NFIA: variants seen among roughly 807,000 people sequenced by gnomAD.
NFIA encodes the protein nuclear factor 1 A-type.
In NFIA, 8 loss-of-function variants were observed where a neutral mutation model predicts 62.8. The observed-to-expected ratio is 0.13, with a 90% CI of 0.07 to 0.23. The LOEUF is 0.23. Ranked by LOEUF, NFIA falls within the 10% of genes least tolerant of loss-of-function variation. The probability of loss-of-function intolerance (pLI) is 1.00; values close to 1 mark genes in which losing one functional copy is unlikely to be tolerated. For missense variants in NFIA, 410 were observed against 642.1 expected (o/e 0.64, Z 3.91); for synonymous variants, 235 against 238.1 (o/e 0.99, Z 0.12).
intron 2 of NFIA, among the ~76,000 whole-genome samples, chr1:61,194,838 A>T (rs1651883930): frequency 6.6e-6 from 1 of 152,062 alleles, no homozygotes; most frequent in African/African-American, 2.4e-5. Flanking sequence ...ACAGCTCTTA[A>T]TTTCTAGGGT....
chr1:61,392,034 G>C (rs1267751096), intron 7 of NFIA, among the ~76,000 whole-genome samples: 6 of 152,178 alleles, frequency 3.9e-5, no homozygotes, highest in Non-Finnish European at 8.8e-5. Flanking sequence ...AGAATTGCCA[G>C]AATTGATTTT....
At chr1:61,379,402 C>CTATTTTTT (rs1410203326) in intron 6 of NFIA, among the ~76,000 whole-genome samples, 1 of 98,256 alleles carries the variant, frequency 1.0e-5, no homozygotes, top group Non-Finnish European at 2.0e-5. Flanking sequence ...TTTTCTTTTT[C>CTATTTTTT]TTTTTTTTTT....
At chr1:61,326,363 G>T (rs1191462546) in intron 3 of NFIA, among the ~76,000 whole-genome samples, 2 of 152,200 alleles carry the variant, frequency 1.3e-5, no homozygotes, top group South Asian at 2.1e-4. Flanking sequence ...TATGTGGATG[G>T]TTCATTTTCA....
Position 61,091,500 on chromosome 1 carries a change from G to A in NFIA, c.559+2820G>A, listed in dbSNP as rs189022238. On this transcript the variant is annotated intron_variant, in intron 2 of 10. Transcript: ENST00000403491. ...CAGTAACAAGTGTAATGAAATTGGA[G>A]TGATTTCATAAGCCTGAGAATTTCA... 1.7e-3 allele frequency among the ~76,000 whole-genome samples: 256 copies of A among 152,280 alleles called. 2 individuals are homozygous for A. Among genetic ancestry groups the A allele is most frequent in the Middle Eastern group, 0.014 (4 of 294 alleles).
intron 10 of NFIA, among the ~76,000 whole-genome samples, chr1:61,430,702 T>C (rs1250562773): frequency 6.6e-6 from 1 of 152,194 alleles, no homozygotes; most frequent in East Asian, 1.9e-4. Context: ...AGAATTGCCT[T>C]CTCTTTAGCC....
chr1:61,204,055 A>G (rs1367684900), intron 2 of NFIA, among the ~76,000 whole-genome samples: 2 of 152,206 alleles, frequency 1.3e-5, no homozygotes, highest in African/African-American at 2.4e-5. Context: ...CCGTTTCTGT[A>G]AATTCCGTGG....
Position 61,213,700 on chromosome 1 carries a change from C to T in NFIA, c.560-63820C>T, listed in dbSNP as rs905849601. 6.6e-5 allele frequency among the ~76,000 whole-genome samples: 10 copies of T among 152,254 alleles called. No individual in the cohort carries two copies. The East Asian group carries it at 7.7e-4, about 12-fold the overall frequency. ...AAAGGACACAAGGGGTTTCATAAAG[C>T]GGTACTAAAAATCTGCTTTTCTCCC... On this transcript the variant is annotated intron_variant, in intron 2 of 10. Coordinates refer to ENST00000403491, the MANE Select transcript of NFIA (RefSeq NM_001134673.4).
rs148140742 is a variant in NFIA at position 61,313,903 on chromosome 1, G to C, written c.626-18609G>C. Among the ~76,000 whole-genome samples, 5 of 152,248 alleles carry C rather than the reference G, an allele frequency of 3.3e-5. No individual in the cohort carries two copies. The East Asian group carries it at 9.6e-4, about 29-fold the overall frequency. Reference sequence around the variant, plus strand: ...TGAAATCCCGACTCTACCAGTTACTGTCTGTGTGACCTTAGACTGTGCTTT... The same window carrying C: ...TGAAATCCCGACTCTACCAGTTACTCTCTGTGTGACCTTAGACTGTGCTTT... On this transcript the variant is annotated intron_variant, in intron 3 of 10. Coordinates refer to ENST00000403491, the MANE Select transcript of NFIA (RefSeq NM_001134673.4).
rs975099424 is a variant in NFIA at position 61,189,405 on chromosome 1, G to A, written c.560-88115G>A. Among the ~76,000 whole-genome samples the A allele has an allele frequency of 3.3e-5, 5 of 152,256 alleles. No homozygotes were observed. In the East Asian group the frequency reaches 5.8e-4, roughly 18 times the overall value. ...TCATTGGCTGGGTGCAGTGGCTCAC[G>A]CCTGTAATCCCAGCACTTTGGGAGG... On this transcript the variant is annotated intron_variant, in intron 2 of 10. Coordinates refer to ENST00000403491, the MANE Select transcript of NFIA (RefSeq NM_001134673.4).
At chr1:61,227,225 C>G (rs1488895770) in intron 2 of NFIA, among the ~76,000 whole-genome samples, 1 of 152,178 alleles carries the variant, frequency 6.6e-6, no homozygotes, top group African/African-American at 2.4e-5. Flanking sequence ...TTTGGATTGG[C>G]TTTATTTGCC....
rs538901481 is a variant in NFIA at position 61,363,540 on chromosome 1, G to C, written c.946+4266G>C. Among the ~76,000 whole-genome samples, 3 of 151,544 alleles carry C rather than the reference G, an allele frequency of 2.0e-5. No individual in the cohort carries two copies. In the East Asian group the frequency reaches 5.9e-4, roughly 30 times the overall value. ...AATTGGTTGAACCTGGGAGGTGGAG[G>C]TTGCAGTGAACCGAGATCGTGCCAT... On this transcript the variant is annotated intron_variant, in intron 6 of 10. Transcript: ENST00000403491.
chr1:61,273,718 G>C (rs1286309535), intron 2 of NFIA, among the ~76,000 whole-genome samples: 1 of 152,148 alleles, frequency 6.6e-6, no homozygotes, highest in African/African-American at 2.4e-5. Flanking sequence ...TTCTCAGATG[G>C]TTTGAACTCA....
intron 2 of NFIA, among the ~76,000 whole-genome samples, chr1:61,205,791 A>T (rs897799175): frequency 6.6e-6 from 1 of 152,076 alleles, no homozygotes; most frequent in African/African-American, 2.4e-5. Flanking sequence ...CGTTTAGTCC[A>T]GTCAGTGTTT....
intron 10 of NFIA, among the ~76,000 whole-genome samples, chr1:61,443,968 G>C (rs578046471): frequency 1.8e-4 from 28 of 152,272 alleles, no homozygotes; most frequent in Admixed American, 3.9e-4. Flanking sequence ...CTTCCTCTCT[G>C]ATGCACCTTT....
At chr1:61,131,149 AT>A (rs1251960270) in intron 2 of NFIA, among the ~76,000 whole-genome samples, 4 of 151,964 alleles carry the variant, frequency 2.6e-5, no homozygotes, top group South Asian at 2.1e-4. Flanking sequence ...TTTAAAAAAA[AT>A]AGTATGACTT....
At chr1:61,192,657 C>T (rs935641014) in intron 2 of NFIA, among the ~76,000 whole-genome samples, 2 of 151,078 alleles carry the variant, frequency 1.3e-5, no homozygotes, top group African/African-American at 4.9e-5. Context: ...GAGCCGAGAT[C>T]GTGCCATTGC....
intron 2 of NFIA, among the ~76,000 whole-genome samples, chr1:61,272,858 T>C (rs562031827): frequency 2.3e-4 from 35 of 152,296 alleles, no homozygotes; most frequent in Admixed American, 1.8e-3. Flanking sequence ...TTCACTAATA[T>C]TTTTGGGTTT....
At chr1:61,424,853 A>G (rs1423076554) in intron 9 of NFIA, among the ~76,000 whole-genome samples, 1 of 152,198 alleles carries the variant, frequency 6.6e-6, no homozygotes, top group Non-Finnish European at 1.5e-5. Context: ...AAAAAATTAA[A>G]TTACCCCCAT....
At chr1:61,236,929 T>C (rs1433380680) in intron 2 of NFIA, among the ~76,000 whole-genome samples, 2 of 152,224 alleles carry the variant, frequency 1.3e-5, no homozygotes, top group Non-Finnish European at 2.9e-5. Flanking sequence ...TCTTTCATAC[T>C]TTTATTCCAG....
Sources: gnomAD v4.1 joint callset for allele counts (sites outside exome capture counted in the v4.1 genomes callset) on GRCh38, gnomAD v4.1.1 for gene constraint, MANE v1.5 for transcripts, NCBI Gene and HGNC (gene_info 2026-07-23, HGNC 2026-07-21) for gene names.